CCDC34: variants seen among roughly 807,000 people sequenced by gnomAD.
CCDC34 encodes the protein coiled-coil domain containing 34, also known as coiled-coil domain-containing protein 34.
A neutral mutation model predicts 44.1 loss-of-function variants in CCDC34; 40 were observed. The ratio of observed to expected loss-of-function variants is 0.91; its 90% CI spans 0.70 to 1.18. The LOEUF (loss-of-function observed/expected upper bound fraction) is 1.18. CCDC34 is among the 50% of genes most tolerant of loss of function. The pLI is 0.00. For synonymous variants in CCDC34, 159 were observed against 158.2 expected (o/e 1.01, Z -0.04); for missense variants, 466 against 452.3 (o/e 1.03, Z -0.28).
chr11:27,348,641 T>C (rs1460251330), intron 3 of CCDC34, among the ~76,000 whole-genome samples: 3 of 152,034 alleles, frequency 2.0e-5, no homozygotes, highest in African/African-American at 7.2e-5. Context: ...ACAGCTAAAA[T>C]GTGAATGAAG....
intron 3 of CCDC34, among the ~76,000 whole-genome samples, chr11:27,344,321 CATATATATGTTATAAACAT>C (rs1181831428): frequency 2.0e-5 from 3 of 152,036 alleles, no homozygotes; most frequent in East Asian, 3.9e-4. Context: ...GGGAAAAAAA[CATATATATGTTATAAACAT>C]ATGTATATGT....
chr11:27,344,409 T>C (rs936009133), intron 3 of CCDC34, among the ~76,000 whole-genome samples: 14 of 152,114 alleles, frequency 9.2e-5, no homozygotes, highest in Admixed American at 9.2e-4. Flanking sequence ...TACAAACATG[T>C]ATGCTATATA....
At position 27,357,390 on chromosome 11, in the gene CCDC34, T is replaced by A. The variant is rs1349327140; in HGVS notation, c.498+13A>T. The A allele has an allele frequency of 1.2e-6, 2 of 1,606,214 alleles. No homozygotes were observed. Among genetic ancestry groups the A allele is most frequent in the East Asian group, 4.5e-5 (2 of 44,796 alleles). ...CTCACAGATTAAATAAAAAGAACAC[T>A]GTCTAGTTTTACCTCTAGAGCTTTC... On this transcript the variant is annotated intron_variant, in intron 2 of 5. Coordinates refer to ENST00000328697, the MANE Select transcript of CCDC34 (RefSeq NM_030771.2).
chr11:27,350,580 TACTTAAGTA>T (rs1862493923), intron 2 of CCDC34, 141 bp from the exon 3 acceptor site: 7 of 711,772 alleles, frequency 9.8e-6, no homozygotes, highest in African/African-American at 1.8e-5. Flanking sequence ...GGCAATAACT[TACTTAAGTA>T]ACCAGTCTAT....
Position 27,363,090 on chromosome 11 carries a change from G to T in CCDC34, c.105C>A (p.Val35=), listed in dbSNP as rs752686656. The T allele has an allele frequency of 6.2e-6, 10 of 1,609,142 alleles. No homozygotes were observed. In the South Asian group the frequency reaches 9.9e-5, roughly 16 times the overall value. The change falls in exon 1 of 6, where the codon GTC becomes GTA. Residue 35 remains valine (V), a synonymous_variant. Coordinates refer to ENST00000328697, the MANE Select transcript of CCDC34 (RefSeq NM_030771.2). ...RSRPSSDSCS[V]PMTGARGQGL... ...CCTGCCCACGTGCGCCCGTCATAGG[G>T]ACTGAGCAGGAGTCCGAGGAGGGCC...
rs1443584273 is a variant in CCDC34 at position 27,340,930 on chromosome 11, C to A, written c.766-93G>T. 3.5e-6 allele frequency: 4 copies of A among 1,158,916 alleles called. No individual in the cohort carries two copies. The Admixed American group carries it at 6.6e-5, about 19-fold the overall frequency. 71.8% of individuals were successfully genotyped at this position (1,158,916 alleles called of 1,614,324 possible). ...TGATTTTTTTTTCTCCAGTAGCTTC[C>A]TACCCCAATGGCTTACTGGCCATAA... is the stretch of plus-strand genomic sequence containing the variant. On this transcript the variant is annotated intron_variant, in intron 4 of 5. Coordinates refer to ENST00000328697, the MANE Select transcript of CCDC34 (RefSeq NM_030771.2).
intron 2 of CCDC34, among the ~76,000 whole-genome samples, chr11:27,351,649 G>C (rs1249434052): frequency 3.9e-5 from 6 of 152,180 alleles, no homozygotes; most frequent in African/African-American, 9.7e-5. Context: ...CTGATATAAA[G>C]ATGAAATCCC....
At chr11:27,348,563 A>G (rs542338996) in intron 3 of CCDC34, among the ~76,000 whole-genome samples, 49 of 152,298 alleles carry the variant, frequency 3.2e-4, no homozygotes, top group African/African-American at 1.2e-3. Context: ...TGAATGCATA[A>G]ATTCTTTGTG....
chr11:27,345,473 C>T (rs11029961), intron 3 of CCDC34, among the ~76,000 whole-genome samples: 29,472 of 151,964 alleles, frequency 0.19, 3,867 homozygotes, highest in East Asian at 0.44. Flanking sequence ...GTGTGATGTT[C>T]CCCTTCCTGT....
At chr11:27,346,474 A>AGAAGTAAGGAAG (rs1862436599) in intron 3 of CCDC34, among the ~76,000 whole-genome samples, 1 of 128,046 alleles carries the variant, frequency 7.8e-6, no homozygotes, top group African/African-American at 2.9e-5. Context: ...GACAGAGGAA[A>AGAAGTAAGGAAG]GAAGGAAGGA....
At chr11:27,346,931 G>A (rs960158659) in intron 3 of CCDC34, among the ~76,000 whole-genome samples, 11 of 152,166 alleles carry the variant, frequency 7.2e-5, no homozygotes, top group African/African-American at 2.7e-4. Context: ...GCCCTGTGGG[G>A]ACATAAAAAG....
chr11:27,354,906 A>G (rs1443213519), intron 2 of CCDC34, among the ~76,000 whole-genome samples: 1 of 152,042 alleles, frequency 6.6e-6, no homozygotes, highest in East Asian at 1.9e-4. Context: ...CTACTCCACT[A>G]TTGTCTCTCT....
At chr11:27,355,888 T>C (rs1036090385) in intron 2 of CCDC34, among the ~76,000 whole-genome samples, 1 of 152,264 alleles carries the variant, frequency 6.6e-6, no homozygotes, top group African/African-American at 2.4e-5. Flanking sequence ...TCATTTGAAT[T>C]ATGCCAAGCC....
chr11:27,361,062 T>C (rs995692558), intron 1 of CCDC34, among the ~76,000 whole-genome samples: 2 of 152,238 alleles, frequency 1.3e-5, no homozygotes, highest in Non-Finnish European at 2.9e-5. Flanking sequence ...GGACATGCAG[T>C]CAGCAAACGT....
rs903626434 is a variant in CCDC34 at position 27,339,179 on chromosome 11, C to G, written c.908-144G>C. On this transcript the variant is annotated intron_variant, in intron 5 of 5. Transcript: ENST00000328697. Reference sequence around the variant, plus strand: ...CAATGTGACTTATTTGAAACTTAAACTCCTTGATATTTTCAAATAAGTAAC... The same window carrying G: ...CAATGTGACTTATTTGAAACTTAAAGTCCTTGATATTTTCAAATAAGTAAC... 2.9e-5 allele frequency: 18 copies of G among 618,802 alleles called. No homozygotes were observed. The Admixed American group carries it at 4.0e-4, about 14-fold the overall frequency. 38.3% of individuals were successfully genotyped at this position (618,802 alleles called of 1,614,324 possible).
At chr11:27,351,711 C>T (rs988743330) in intron 2 of CCDC34, among the ~76,000 whole-genome samples, 5 of 152,198 alleles carry the variant, frequency 3.3e-5, no homozygotes, top group East Asian at 3.9e-4. Flanking sequence ...TGCTACATTG[C>T]GAGTTATTGC....
At chr11:27,361,733 G>A (rs1294711213) in intron 1 of CCDC34, among the ~76,000 whole-genome samples, 2 of 152,100 alleles carry the variant, frequency 1.3e-5, no homozygotes, top group Admixed American at 6.5e-5. Flanking sequence ...ATTCACTCAT[G>A]CTGGATATGA....
intron 3 of CCDC34, among the ~76,000 whole-genome samples, chr11:27,344,515 T>C (rs746432014): frequency 6.6e-6 from 1 of 151,710 alleles, no homozygotes; most frequent in African/African-American, 2.4e-5. Flanking sequence ...ATATATGCTA[T>C]AAACCTGTGT....
chr11:27,341,586 C>A, intron 3 of CCDC34, 36 bp from the exon 4 acceptor site: 1 of 965,616 alleles, frequency 1.0e-6, no homozygotes, highest in South Asian at 2.0e-5. Flanking sequence ...ATTGTAATAC[C>A]AGTAATTATA....
Sources: allele counts gnomAD v4.1 joint callset (sites outside exome capture counted in the v4.1 genomes callset), GRCh38; gene constraint gnomAD v4.1.1; transcripts MANE v1.5; gene names NCBI Gene and HGNC (gene_info 2026-07-23, HGNC 2026-07-21).